SLK: variants seen among roughly 807,000 people sequenced by gnomAD.
The protein encoded by SLK is STE20-like serine/threonine-protein kinase.
Under a neutral mutation model 147.7 loss-of-function variants are expected in SLK, and 67 were observed. The observed-to-expected ratio is 0.45, with a 90% confidence interval of 0.37 to 0.56. The LOEUF is 0.56. Among genes scored for constraint, SLK ranks in the 20% least tolerant of loss-of-function variants. SLK has a pLI of 0.00. For missense variants in SLK, 1,136 were observed against 1,438.8 expected (o/e 0.79, Z 3.41); for synonymous variants, 441 against 475.0 (o/e 0.93, Z 0.93).
At chr10:103,996,163 T>C (rs1042526104) in intron 4 of SLK, among the ~76,000 whole-genome samples, 5 of 152,190 alleles carry the variant, frequency 3.3e-5, no homozygotes, top group Admixed American at 3.3e-4. Context: ...TGTACCCTTA[T>C]AGTTGAAGGT....
intron 1 of SLK, among the ~76,000 whole-genome samples, chr10:103,989,432 T>C (rs544220161): frequency 6.0e-5 from 9 of 151,176 alleles, no homozygotes; most frequent in Admixed American, 3.9e-4. Flanking sequence ...TGCAGACTCT[T>C]TCAGCCATTT....
intron 1 of SLK, 95 bp from the exon 2 acceptor site, chr10:103,990,569 GTAAATATGAAT>G (rs1292411689): frequency 1.5e-5 from 9 of 616,654 alleles, no homozygotes; most frequent in South Asian, 2.7e-5. Context: ...CAGCCTAAAC[GTAAATATGAAT>G]TAAATATGAA....
chr10:104,016,127 G>T lies in SLK; in HGVS notation c.2878-2033G>T, dbSNP rs186746843. Among the ~76,000 whole-genome samples, 685 of 152,136 alleles carry T rather than the reference G, an allele frequency of 4.5e-3. 4 individuals are homozygous for T. The highest frequency in any genetic ancestry group is 0.01 in the Middle Eastern group (3 of 294). On this transcript the variant is annotated intron_variant, in intron 13 of 18. Coordinates refer to ENST00000369755, the MANE Select transcript of SLK (RefSeq NM_014720.4). ...AGGTCAGGAGATCAAGACCATCCTG[G>T]CTACCACGGTGAAACCCCGTCTCTA...
chr10:104,005,833 T>C, intron 10 of SLK, 79 bp from the exon 11 acceptor site: 7 of 1,535,406 alleles, frequency 4.6e-6, no homozygotes, highest in Non-Finnish European at 6.2e-6. Context: ...AAAGAAAATT[T>C]TTAAAGCTTT....
At chr10:103,993,898 CT>C (rs1404203744) in intron 4 of SLK, among the ~76,000 whole-genome samples, 1 of 152,006 alleles carries the variant, frequency 6.6e-6, no homozygotes, top group Admixed American at 6.6e-5. Context: ...AAATTTTATT[CT>C]TTTTAATTTT....
chr10:103,981,528 G>A (rs540584612), intron 1 of SLK, among the ~76,000 whole-genome samples: 15 of 151,994 alleles, frequency 9.9e-5, no homozygotes, highest in Non-Finnish European at 2.1e-4. Flanking sequence ...TTTGTTTATG[G>A]TGTTAGGTAA....
intron 1 of SLK, among the ~76,000 whole-genome samples, chr10:103,977,950 T>C (rs957314055): frequency 6.6e-6 from 1 of 152,202 alleles, no homozygotes; most frequent in Non-Finnish European, 1.5e-5. Flanking sequence ...CATATTTTGC[T>C]ATACTGACTT....
At chr10:104,010,243 C>T (rs1365526144) in intron 12 of SLK, among the ~76,000 whole-genome samples, 3 of 152,038 alleles carry the variant, frequency 2.0e-5, no homozygotes, top group East Asian at 1.9e-4. Flanking sequence ...TTTACCACAC[C>T]GTGTATAAAA....
intron 11 of SLK, among the ~76,000 whole-genome samples, 161 bp downstream of exon 11, chr10:104,006,196 T>C (rs1844323703): frequency 6.6e-6 from 1 of 152,264 alleles, no homozygotes; most frequent in African/African-American, 2.4e-5. Context: ...CTTTTGGTGT[T>C]CTGGATGCCT....
chr10:103,985,943 A>T (rs2147270), intron 1 of SLK, among the ~76,000 whole-genome samples: 77,480 of 152,036 alleles, frequency 0.51, 20,505 homozygotes, highest in East Asian at 0.72. Context: ...AATGTGGCCA[A>T]GCTCTACTGA....
At position 103,998,943 on chromosome 10, in the gene SLK, A is replaced by G; in HGVS notation, c.559A>G (p.Arg187Gly). 6.2e-7 allele frequency: 1 copy of G among 1,611,650 alleles called. No homozygotes were observed. Among genetic ancestry groups the G allele is most frequent in the Non-Finnish European group, 8.5e-7 (1 of 1,177,912 alleles). ...SAKNTRTIQRRDSFIGTPYWM... is the reference protein window; with the variant it reads ...SAKNTRTIQRGDSFIGTPYWM... ...TAAAAACACGAGGACAATTCAAAGA[A>G]GAGATTCCTTTATTGGTACACCATA... Residue 187 changes from arginine to glycine, a missense_variant, in exon 5 of 19, where the codon AGA becomes GGA. By Grantham distance (125) the Arg-to-Gly change is moderately radical. Around this residue, in one of 6 missense-constraint regions of SLK, gnomAD observed 141 missense variants for 219.3 expected, o/e 0.64. Coordinates refer to ENST00000369755, the MANE Select transcript of SLK (RefSeq NM_014720.4).
intron 1 of SLK, 54 bp downstream of exon 1, chr10:103,967,949 T>A: frequency 7.0e-6 from 11 of 1,580,354 alleles, no homozygotes; most frequent in Non-Finnish European, 9.5e-6. Context: ...GCCACTGGCC[T>A]GGAGTGGCGG....
intron 1 of SLK, among the ~76,000 whole-genome samples, chr10:103,982,237 T>G (rs1843955562): frequency 6.6e-6 from 1 of 152,248 alleles, no homozygotes; most frequent in African/African-American, 2.4e-5. Flanking sequence ...ATGCAATCTA[T>G]GCACATTTCC....
At chr10:104,024,617 A>G (rs1007803733) in intron 18 of SLK, among the ~76,000 whole-genome samples, 5 of 152,108 alleles carry the variant, frequency 3.3e-5, no homozygotes, top group African/African-American at 7.2e-5. Context: ...TCTTTCCTTC[A>G]GCACTAAGCT....
Position 104,001,526 on chromosome 10 carries a change from A to G in SLK, c.947A>G (p.Glu316Gly), listed in dbSNP as rs768654859. The G allele has an allele frequency of 6.2e-6, 10 of 1,613,810 alleles. No homozygotes were observed. Among genetic ancestry groups the G allele is most frequent in the Non-Finnish European group, 8.5e-6 (10 of 1,179,836 alleles). Reference protein sequence around the residue: ...EAKAEVTEEVEDGKEEDEEEE... With the variant: ...EAKAEVTEEVGDGKEEDEEEE... ...AAGGCTGAAGTAACAGAAGAAGTTG[A>G]AGATGGCAAAGAGGAAGATGAAGAG... is the stretch of plus-strand genomic sequence containing the variant. Residue 316 changes from glutamate to glycine, a missense_variant, in exon 8 of 19, where the codon GAA becomes GGA. By Grantham distance (98) the Glu-to-Gly change is moderately conservative. Coordinates refer to ENST00000369755, the MANE Select transcript of SLK (RefSeq NM_014720.4).
At position 103,967,691 on chromosome 10, in the gene SLK, T is replaced by C; in HGVS notation, c.-55T>C. 5 of 1,558,456 alleles carry C rather than the reference T, an allele frequency of 3.2e-6. No homozygotes were observed. The highest frequency in any genetic ancestry group is 2.4e-5 in the East Asian group (1 of 41,904). Reference sequence around the variant, plus strand: ...GCGGGAGAGCAGGGAAGAGAAACTTTGCCTTTTATTGTTTTTAGTCCTTAA... The same window carrying C: ...GCGGGAGAGCAGGGAAGAGAAACTTCGCCTTTTATTGTTTTTAGTCCTTAA... On this transcript the variant is annotated 5_prime_UTR_variant, in exon 1 of 19. Transcript: ENST00000369755.
At chr10:104,016,163 C>A (rs950999834) in intron 13 of SLK, among the ~76,000 whole-genome samples, 1 of 151,830 alleles carries the variant, frequency 6.6e-6, no homozygotes, top group Non-Finnish European at 1.5e-5. Flanking sequence ...CTAGAAAATA[C>A]AAAAAATTAG....
At chr10:103,976,893 A>T (rs1048421014) in intron 1 of SLK, among the ~76,000 whole-genome samples, 2 of 152,232 alleles carry the variant, frequency 1.3e-5, no homozygotes, top group Non-Finnish European at 2.9e-5. Flanking sequence ...CACTTAGCAC[A>T]GGGTTTCTCA....
chr10:104,003,403 A>AT lies in SLK; in HGVS notation c.2226dup (p.Pro743SerfsTer5). The AT allele has an allele frequency of 6.2e-7, 1 of 1,614,110 alleles. No individual in the cohort carries two copies. On this transcript the variant is annotated frameshift_variant, in exon 9 of 19. Transcript: ENST00000369755. LOFTEE classifies it high-confidence loss of function. ...ACTATTCTGCCACCAGAATCTGAGA[A>AT]TCCAAAGGAAAATGATAATGATTCA... is the stretch of plus-strand genomic sequence containing the variant.
Sources: gnomAD v4.1 joint callset for allele counts (sites outside exome capture counted in the v4.1 genomes callset) on GRCh38, gnomAD v4.1.1 for gene constraint, gnomAD v4.1.1 regional missense constraint, MANE v1.5 for transcripts, NCBI Gene and HGNC (gene_info 2026-07-23, HGNC 2026-07-21) for gene names.